ARL15: variants seen among roughly 807,000 people sequenced by gnomAD.
The protein encoded by ARL15 is ARF like GTPase 15, also known as ADP-ribosylation factor-like protein 15.
A neutral mutation model predicts 25.2 loss-of-function variants in ARL15; 19 were observed. The ratio of observed to expected loss-of-function variants is 0.75; its 90% CI spans 0.53 to 1.10. The LOEUF is 1.10. Among genes scored for constraint, ARL15 ranks in the 50% least tolerant of loss-of-function variants. The pLI is 0.00. For missense variants in ARL15, 220 were observed against 246.0 expected (o/e 0.89, Z 0.71); for synonymous variants, 94 against 86.8 (o/e 1.08, Z -0.46).
At chr5:54,041,894 T>TA (rs1202115811) in intron 4 of ARL15, among the ~76,000 whole-genome samples, 1 of 151,996 alleles carries the variant, frequency 6.6e-6, no homozygotes, top group Non-Finnish European at 1.5e-5. Context: ...GATTGTTTGG[T>TA]AAAAAATCCT....
intron 1 of ARL15, among the ~76,000 whole-genome samples, chr5:54,252,958 C>T (rs1259412512): frequency 6.6e-6 from 1 of 152,022 alleles, no homozygotes; most frequent in Non-Finnish European, 1.5e-5. Flanking sequence ...CTCCTGAGCT[C>T]AGGTGATCCA....
intron 4 of ARL15, among the ~76,000 whole-genome samples, chr5:54,009,694 T>C (rs1463137299): frequency 2.6e-5 from 4 of 152,202 alleles, no homozygotes; most frequent in African/African-American, 9.6e-5. Context: ...TACTAAATCT[T>C]GCAACTTCTA....
At chr5:53,913,242 G>A (rs919241465) in intron 4 of ARL15, among the ~76,000 whole-genome samples, 2 of 152,220 alleles carry the variant, frequency 1.3e-5, no homozygotes, top group Non-Finnish European at 2.9e-5. Context: ...GGGCAGGGTT[G>A]CAGTGAGCCA....
At chr5:53,886,849 T>C in intron 4 of ARL15, 136 bp from the exon 5 acceptor site, 1 of 772,546 alleles carries the variant, frequency 1.3e-6, no homozygotes. Context: ...CTTTGCAATG[T>C]GGATGCCTGT....
chr5:54,080,854 T>C (rs1751775055), intron 4 of ARL15, among the ~76,000 whole-genome samples: 1 of 152,206 alleles, frequency 6.6e-6, no homozygotes, highest in Non-Finnish European at 1.5e-5. Context: ...ATTTCAAGTC[T>C]ATAAGCATCT....
At chr5:54,282,511 G>A (rs1758083870) in intron 1 of ARL15, 1 of 985,288 alleles carries the variant, frequency 1.0e-6, no homozygotes. Context: ...GGATAATAAA[G>A]TCTGGGGCAT....
intron 1 of ARL15, among the ~76,000 whole-genome samples, chr5:54,231,104 T>C (rs1417178541): frequency 6.6e-6 from 1 of 151,278 alleles, no homozygotes; most frequent in Admixed American, 6.6e-5. Context: ...GCTTGGGGAA[T>C]GTTTCCACGT....
intron 3 of ARL15, among the ~76,000 whole-genome samples, chr5:54,141,995 G>A (rs912251676): frequency 3.3e-5 from 5 of 152,102 alleles, no homozygotes; most frequent in Admixed American, 1.3e-4. Context: ...GTTGTTTCCA[G>A]TATTGTGTTA....
In ARL15 at chr5:54,140,455, GATAGAT is replaced by G. The variant is rs1274323311; in HGVS notation, c.253+14119_253+14124del. 1.3e-3 allele frequency among the ~76,000 whole-genome samples: 176 copies of G among 138,206 alleles called. 1 individual carries two copies. The highest frequency in any genetic ancestry group is 4.7e-3 in the East Asian group (22 of 4,656). 90.7% of individuals were successfully genotyped at this position (138,206 alleles called of 152,430 possible). On this transcript the variant is annotated intron_variant, in intron 3 of 4. Transcript: ENST00000504924. ...AGATAGATAGATAGATAGATAGATA[GATAGAT>G]AGATAGAGATAGAGATAGAGATATG...
intron 4 of ARL15, among the ~76,000 whole-genome samples, chr5:53,992,317 C>T (rs1285133452): frequency 6.6e-6 from 1 of 151,706 alleles, no homozygotes; most frequent in Non-Finnish European, 1.5e-5. Context: ...TAAATAAAGA[C>T]AAGTAGACTT....
At chr5:53,963,985 C>A (rs946332187) in intron 4 of ARL15, among the ~76,000 whole-genome samples, 8 of 152,158 alleles carry the variant, frequency 5.3e-5, no homozygotes, top group African/African-American at 1.9e-4. Context: ...CTTGATTTGA[C>A]CTTGTAATTT....
intron 4 of ARL15, among the ~76,000 whole-genome samples, chr5:54,060,142 A>AG (rs1419586404): frequency 6.6e-6 from 1 of 151,250 alleles, no homozygotes; most frequent in East Asian, 1.9e-4. Flanking sequence ...AAAAAAAAAA[A>AG]AAAAAAAAAA....
chr5:54,019,172 T>C (rs1049139624), intron 4 of ARL15, among the ~76,000 whole-genome samples: 2 of 152,070 alleles, frequency 1.3e-5, no homozygotes, highest in African/African-American at 4.8e-5. Flanking sequence ...AGGTTTTTTT[T>C]TTTTCTTTTT....
rs532939530 is a variant in ARL15 at position 54,220,997 on chromosome 5, C to CA, written c.49-49070dup. Among the ~76,000 whole-genome samples the CA allele has an allele frequency of 4.6e-5, 7 of 151,980 alleles. No individual in the cohort carries two copies. In the South Asian group the frequency reaches 1.0e-3, roughly 23 times the overall value. On this transcript the variant is annotated intron_variant, in intron 1 of 4. Transcript: ENST00000504924. ...TGAAAAACACTTCCCCAACCCCCGC[C>CA]AAAAAAATCTGACATTTTCTTTCTG...
intron 4 of ARL15, among the ~76,000 whole-genome samples, chr5:54,036,680 G>A (rs899934874): frequency 2.6e-5 from 4 of 152,128 alleles, no homozygotes; most frequent in Admixed American, 2.0e-4. Flanking sequence ...GGGATGGGAT[G>A]AGCTCTATTT....
In ARL15 at chr5:54,261,766, A is replaced by ACC. The variant is rs201520627; in HGVS notation, c.48+48664_48+48665dup. Among the ~76,000 whole-genome samples the ACC allele has an allele frequency of 6.3e-3, 960 of 151,824 alleles. 7 individuals are homozygous for ACC. Among genetic ancestry groups the ACC allele is most frequent in the African/African-American group, 0.022 (920 of 41,404 alleles). ...CCAGATCTTACACACACACACACAC[A>ACC]CCCCATGACCACACCGTTTTTTCGG... On this transcript the variant is annotated intron_variant, in intron 1 of 4. Transcript: ENST00000504924.
At chr5:54,091,231 A>C (rs1271314057) in intron 4 of ARL15, among the ~76,000 whole-genome samples, 1 of 152,194 alleles carries the variant, frequency 6.6e-6, no homozygotes. Context: ...GAGAAACGCA[A>C]TTAAAGTGTC....
rs1023359207 is a variant in ARL15 at position 54,011,401 on chromosome 5, A to G, written c.462+101801T>C. On this transcript the variant is annotated intron_variant, in intron 4 of 4. Coordinates refer to ENST00000504924, the MANE Select transcript of ARL15 (RefSeq NM_019087.3). ...CTTAAAATGAGCACATTTCTCCTGT[A>G]ATCAGAAGAGGTTGGTTTTTTGTTG... Among the ~76,000 whole-genome samples, 29 of 152,274 alleles carry G rather than the reference A, an allele frequency of 1.9e-4. 1 individual carries two copies. The highest frequency in any genetic ancestry group is 2.1e-4 in the South Asian group (1 of 4,824).
At chr5:54,149,966 A>G (rs1754016748) in intron 3 of ARL15, among the ~76,000 whole-genome samples, 1 of 152,228 alleles carries the variant, frequency 6.6e-6, no homozygotes, top group Non-Finnish European at 1.5e-5. Flanking sequence ...ACTAATATCC[A>G]GGCTTGCTAA....
Sources: allele counts gnomAD v4.1 joint callset (sites outside exome capture counted in the v4.1 genomes callset), GRCh38; gene constraint gnomAD v4.1.1; transcripts MANE v1.5; gene names NCBI Gene and HGNC (gene_info 2026-07-23, HGNC 2026-07-21).